Variants in PPARA observed in about 807,000 individuals in gnomAD.
PPARA encodes peroxisome proliferator-activated receptor alpha.
Under a neutral mutation model 42.2 loss-of-function variants are expected in PPARA, and 22 were observed. That is an observed-to-expected ratio of 0.52 (90% confidence interval 0.37 to 0.74). The LOEUF (loss-of-function observed/expected upper bound fraction) is 0.74. Ranked by LOEUF, PPARA falls within the 30% of genes least tolerant of loss-of-function variation. The probability of loss-of-function intolerance (pLI) is 0.00; values close to 1 mark genes in which losing one functional copy is unlikely to be tolerated. For synonymous variants in PPARA, 242 were observed against 239.3 expected, an observed-to-expected ratio of 1.01 and a Z score of -0.10; for missense variants, 465 against 608.2, an observed-to-expected ratio of 0.76 and a Z score of 2.48.
intron 4 of PPARA, among the ~76,000 whole-genome samples, chr22:46,206,701 G>A (rs977863437): frequency 1.3e-5 from 2 of 151,834 alleles, no homozygotes; most frequent in East Asian, 1.9e-4. Flanking sequence ...ATAGACAGCC[G>A]GTTATCTTTT....
chr22:46,224,591 A>G lies in PPARA; in HGVS notation c.711+4577A>G, dbSNP rs1342173751. ...AGCCACGCCCCACAGAGCCTCAGGA[A>G]GGCACACTGACCTCAGGGCCGGCGG... is the stretch of plus-strand genomic sequence containing the variant. On this transcript the variant is annotated intron_variant, in intron 7 of 8. Transcript: ENST00000407236. The surrounding 1 kb of genome is among the most constrained non-coding windows in gnomAD (Gnocchi z 5.7). Among the ~76,000 whole-genome samples, 1 of 152,180 alleles carries G rather than the reference A, an allele frequency of 6.6e-6. No homozygotes were observed. Among genetic ancestry groups the G allele is most frequent in the Non-Finnish European group, 1.5e-5 (1 of 68,042 alleles).
rs1445794300 is a variant in PPARA at position 46,216,676 on chromosome 22, C to A, written c.369+1343C>A. Among the ~76,000 whole-genome samples, 2 of 152,186 alleles carry A rather than the reference C, an allele frequency of 1.3e-5. No individual in the cohort carries two copies. The highest frequency in any genetic ancestry group is 2.9e-5 in the Non-Finnish European group (2 of 68,018). On this transcript the variant is annotated intron_variant, in intron 5 of 8. Transcript: ENST00000407236. This position sits in a 1 kb window ranked among gnomAD's most constrained non-coding sequence, Gnocchi z 4.5. ...CTCCACCTGATTCAAGCGACAGGAA[C>A]CCCCTGTGCATCTTCATCCTCCTGC...
At position 46,212,208 on chromosome 22, in the gene PPARA, C is replaced by T. The variant is rs1310334555; in HGVS notation, c.209-2965C>T. 5.3e-5 allele frequency among the ~76,000 whole-genome samples: 8 copies of T among 152,120 alleles called. No individual in the cohort carries two copies. Among genetic ancestry groups the T allele is most frequent in the Middle Eastern group, 3.4e-3 (1 of 294 alleles). On this transcript the variant is annotated intron_variant, in intron 4 of 8. Transcript: ENST00000407236. This position sits in a 1 kb window ranked among gnomAD's most constrained non-coding sequence, Gnocchi z 4.2. ...AGTAGCTGGGATTACAGGTGCACAC[C>T]GCTGAGCCCAGCAAATTTTTGTATT... is the stretch of plus-strand genomic sequence containing the variant.
At chr22:46,179,678 C>T (rs756493420) in intron 3 of PPARA, among the ~76,000 whole-genome samples, 3 of 151,366 alleles carry the variant, frequency 2.0e-5, no homozygotes, top group Non-Finnish European at 4.4e-5. Context: ...GATATGACAC[C>T]GAGAACACAA....
chr22:46,184,744 A>G lies in PPARA; in HGVS notation c.-43+7908A>G, dbSNP rs1930428104. On this transcript the variant is annotated intron_variant, in intron 3 of 8. Coordinates refer to ENST00000407236, the MANE Select transcript of PPARA (RefSeq NM_005036.6). This position sits in a 1 kb window ranked among gnomAD's most constrained non-coding sequence, Gnocchi z 4.4. ...GTGGCGCACGCCTGTAGTACCAGCT[A>G]TTCGGGAGGCTGAGGCACGAGAATT... Among the ~76,000 whole-genome samples the G allele has an allele frequency of 6.6e-6, 1 of 152,206 alleles. No individual in the cohort carries two copies. The highest frequency in any genetic ancestry group is 1.5e-5 in the Non-Finnish European group (1 of 68,026).
In PPARA at chr22:46,232,263, G is replaced by A. The variant is rs769503740; in HGVS notation, c.1159+24G>A. ...AGGTGAGTGGTTGATTTAATCTGCTGGTATCATGTCACTGACAGGCTCCTG... is the reference window on the plus strand; with the variant it reads ...AGGTGAGTGGTTGATTTAATCTGCTAGTATCATGTCACTGACAGGCTCCTG... On this transcript the variant is annotated intron_variant, in intron 8 of 8. Coordinates refer to ENST00000407236, the MANE Select transcript of PPARA (RefSeq NM_005036.6). This position sits in a 1 kb window ranked among gnomAD's most constrained non-coding sequence, Gnocchi z 5.3. The A allele has an allele frequency of 1.6e-5, 26 of 1,609,864 alleles. 1 individual carries two copies. In the South Asian group the frequency reaches 2.9e-4, roughly 18 times the overall value.
chr22:46,197,029 T>TGTTTGGTTTTGGTTTTG (rs371219280), intron 3 of PPARA, among the ~76,000 whole-genome samples: 1 of 151,368 alleles, frequency 6.6e-6, no homozygotes, highest in Admixed American at 6.6e-5. Flanking sequence ...CCCTGTTTTT[T>TGTTTGGTTTTGGTTTTG]GTTTGGTTTT....
At position 46,218,418 on chromosome 22, in the gene PPARA, T is replaced by C; in HGVS notation, c.508+17T>C. 1 of 1,614,100 alleles carries C rather than the reference T, an allele frequency of 6.2e-7. No individual in the cohort carries two copies. The highest frequency in any genetic ancestry group is 8.5e-7 in the Non-Finnish European group (1 of 1,179,988). ...CACACAACGGTAGGTAAGGTGGCCCTGCACATTTTCCCAGTTCGTTCCTCA... is the reference window on the plus strand; with the variant it reads ...CACACAACGGTAGGTAAGGTGGCCCCGCACATTTTCCCAGTTCGTTCCTCA... On this transcript the variant is annotated intron_variant, in intron 6 of 8. Transcript: ENST00000407236.
At chr22:46,201,188 C>T (rs147577925) in intron 4 of PPARA, among the ~76,000 whole-genome samples, 202 of 152,038 alleles carry the variant, frequency 1.3e-3, no homozygotes, top group African/African-American at 4.8e-3. Context: ...GACACAGAGC[C>T]GGGCCTGGAC....
Position 46,165,552 on chromosome 22 carries a change from G to T in PPARA, c.-126-11201G>T, listed in dbSNP as rs1194205026. Among the ~76,000 whole-genome samples, 2 of 152,114 alleles carry T rather than the reference G, an allele frequency of 1.3e-5. No individual in the cohort carries two copies. The highest frequency in any genetic ancestry group is 3.8e-4 in the East Asian group (2 of 5,198). On this transcript the variant is annotated intron_variant, in intron 2 of 8. Transcript: ENST00000407236. The surrounding 1 kb of genome is among the most constrained non-coding windows in gnomAD (Gnocchi z 5.5). ...AAAGAAGCAGTTAAGAGCCTGAGTGGCACTTTTGAGGGGCTAGAAGGGAAG... is the reference window on the plus strand; with the variant it reads ...AAAGAAGCAGTTAAGAGCCTGAGTGTCACTTTTGAGGGGCTAGAAGGGAAG...
chr22:46,158,124 C>G (rs889922728), intron 2 of PPARA, among the ~76,000 whole-genome samples: 1 of 151,718 alleles, frequency 6.6e-6, no homozygotes, highest in Non-Finnish European at 1.5e-5. Context: ...TAAGAGTGAG[C>G]GAGGCCAGGC....
At chr22:46,202,271 C>T (rs1932876843) in intron 4 of PPARA, among the ~76,000 whole-genome samples, 1 of 152,136 alleles carries the variant, frequency 6.6e-6, no homozygotes, top group South Asian at 2.1e-4. Context: ...AAAGTAGTGT[C>T]TTTTAGGTCA....
chr22:46,154,925 C>T (rs777691948), intron 2 of PPARA: 1 of 143,684 alleles, frequency 7.0e-6, no homozygotes, highest in Non-Finnish European at 1.5e-5. Flanking sequence ...CCTCCTGCCT[C>T]GGCCTCCCAT....
chr22:46,168,509 A>G (rs1569190861), intron 2 of PPARA, among the ~76,000 whole-genome samples: 1 of 151,890 alleles, frequency 6.6e-6, no homozygotes, highest in East Asian at 1.9e-4. Context: ...TATTTACAAA[A>G]CATATATCTG....
rs1326938525 is a variant in PPARA at position 46,243,107 on chromosome 22, C to T, written c.*7727C>T. 6.6e-6 allele frequency: 1 copy of T among 152,536 alleles called. No homozygotes were observed. Among genetic ancestry groups the T allele is most frequent in the Non-Finnish European group, 1.5e-5 (1 of 68,054 alleles). 9.4% of individuals were successfully genotyped at this position (152,536 alleles called of 1,614,324 possible). ...CCCAACCCAAAGCAGAAAGCAGAAA[C>T]CACAGACCCCGTGAGTCTCCCCATA... On this transcript the variant is annotated 3_prime_UTR_variant, in exon 9 of 9. Transcript: ENST00000407236. The surrounding 1 kb of genome is among the most constrained non-coding windows in gnomAD (Gnocchi z 5.0).
At position 46,188,621 on chromosome 22, in the gene PPARA, G is replaced by T. The variant is rs147297079; in HGVS notation, c.-42-9721G>T. The T allele has an allele frequency of 6.6e-6, 1 of 152,288 alleles. No individual in the cohort carries two copies. Among genetic ancestry groups the T allele is most frequent in the Non-Finnish European group, 1.5e-5 (1 of 68,036 alleles). The allele number at this position is 152,288 out of a possible 1,614,324, so 9.4% of individuals were successfully genotyped here. On this transcript the variant is annotated intron_variant, in intron 3 of 8. Coordinates refer to ENST00000407236, the MANE Select transcript of PPARA (RefSeq NM_005036.6). This position sits in a 1 kb window ranked among gnomAD's most constrained non-coding sequence, Gnocchi z 5.0. ...AATAATACCTACCCTGCCCTGGCGT[G>T]GATAGATTAAAGAAAAAAAATACAT...
In PPARA at chr22:46,235,347, G is replaced by A. The variant is rs919776665; in HGVS notation, c.1374G>A (p.Pro458=). 8.7e-6 allele frequency: 14 copies of A among 1,613,810 alleles called. No individual in the cohort carries two copies. The East Asian group carries it at 1.1e-4, about 13-fold the overall frequency. The change falls in exon 9 of 9, where the codon CCG becomes CCA. Residue 458 remains proline, a synonymous_variant. Coordinates refer to ENST00000407236, the MANE Select transcript of PPARA (RefSeq NM_005036.6). This position sits in a 1 kb window ranked among gnomAD's most constrained non-coding sequence, Gnocchi z 7.0. ...KKTESDAALH[P]LLQEIYRDMY ...CGGAGTCGGATGCTGCGCTGCACCCGCTACTGCAGGAGATCTACAGGGACA... is the reference window on the plus strand; with the variant it reads ...CGGAGTCGGATGCTGCGCTGCACCCACTACTGCAGGAGATCTACAGGGACA...
In PPARA at chr22:46,192,431, C is replaced by T. The variant is rs1931689803; in HGVS notation, c.-42-5911C>T. 6.6e-6 allele frequency among the ~76,000 whole-genome samples: 1 copy of T among 152,212 alleles called. No homozygotes were observed. The highest frequency in any genetic ancestry group is 2.4e-5 in the African/African-American group (1 of 41,454). ...GGAATCCTTCCAGTGTTTGCACCTGCCCTGTGCTCGGGTAACATAAAACAG... is the reference window on the plus strand; with the variant it reads ...GGAATCCTTCCAGTGTTTGCACCTGTCCTGTGCTCGGGTAACATAAAACAG... On this transcript the variant is annotated intron_variant, in intron 3 of 8. Coordinates refer to ENST00000407236, the MANE Select transcript of PPARA (RefSeq NM_005036.6). This position sits in a 1 kb window ranked among gnomAD's most constrained non-coding sequence, Gnocchi z 4.3.
chr22:46,242,731 G>GCGCGCGCGCGCGCA lies in PPARA; in HGVS notation c.*7352_*7353insGCGCGCGCGCGCAC, dbSNP rs10643430. On this transcript the variant is annotated 3_prime_UTR_variant, in exon 9 of 9. Coordinates refer to ENST00000407236, the MANE Select transcript of PPARA (RefSeq NM_005036.6). The surrounding 1 kb of genome is among the most constrained non-coding windows in gnomAD (Gnocchi z 6.1). ...AAATACACTGCGTACACGTGTGCGT[G>GCGCGCGCGCGCGCA]CACACACACACACACACACACACAC... The GCGCGCGCGCGCGCA allele has an allele frequency of 7.5e-6, 1 of 132,700 alleles. No individual in the cohort carries two copies. The highest frequency in any genetic ancestry group is 2.5e-5 in the African/African-American group (1 of 39,858). 8.2% of individuals were successfully genotyped at this position (132,700 alleles called of 1,614,324 possible).
Sources: gnomAD v4.1 joint callset for allele counts (sites outside exome capture counted in the v4.1 genomes callset) on GRCh38, gnomAD v4.1.1 for gene constraint, Gnocchi (gnomAD v3.1) non-coding constraint, MANE v1.5 for transcripts, NCBI Gene and HGNC (gene_info 2026-07-23, HGNC 2026-07-21) for gene names.